The following PTPRM variants were observed in gnomAD, a reference collection of about 807,000 sequenced individuals.
PTPRM encodes the protein receptor-type tyrosine-protein phosphatase mu.
PTPRM carries 47 observed loss-of-function variants against 186.7 expected under a neutral mutation model. That is an observed-to-expected ratio of 0.25 (90% CI 0.20 to 0.32). The LOEUF is 0.32. Among genes scored for constraint, PTPRM ranks in the 10% least tolerant of loss-of-function variants. The pLI is 1.00. For synonymous variants in PTPRM, 668 were observed against 674.9 expected (o/e 0.99, Z 0.16); for missense variants, 1,494 against 1,865.0 (o/e 0.80, Z 3.66).
intron 19 of PTPRM, among the ~76,000 whole-genome samples, chr18:8,272,999 G>A (rs888997192): frequency 1.3e-5 from 2 of 152,006 alleles, no homozygotes; most frequent in African/African-American, 2.4e-5. Context: ...AGTTTATTTT[G>A]TCTAATTTCA....
intron 1 of PTPRM, among the ~76,000 whole-genome samples, chr18:7,571,063 C>T (rs146377105): frequency 0.01 from 1,537 of 151,900 alleles, 8 homozygotes; most frequent in Middle Eastern, 0.017. Context: ...CTCAGCCTCC[C>T]GAGTAGCTGG....
At chr18:8,101,764 G>C (rs1217141184) in intron 11 of PTPRM, among the ~76,000 whole-genome samples, 1 of 152,168 alleles carries the variant, frequency 6.6e-6, no homozygotes, top group Non-Finnish European at 1.5e-5. Flanking sequence ...CACGTGAGCT[G>C]TCAGGACCTT....
intron 19 of PTPRM, among the ~76,000 whole-genome samples, chr18:8,278,356 G>C (rs1347776379): frequency 2.6e-5 from 4 of 152,188 alleles, no homozygotes; most frequent in Non-Finnish European, 5.9e-5. Flanking sequence ...GGATAAAAAG[G>C]TAGAGCTGAA....
intron 1 of PTPRM, among the ~76,000 whole-genome samples, chr18:7,643,586 C>T (rs543089046): frequency 7.9e-5 from 12 of 152,238 alleles, no homozygotes; most frequent in African/African-American, 1.4e-4. Flanking sequence ...GTGATCTGCC[C>T]GCTTTGGCCT....
intron 1 of PTPRM, among the ~76,000 whole-genome samples, chr18:7,705,301 A>ATCTGTCTG (rs1568040969): frequency 4.6e-5 from 7 of 151,314 alleles, no homozygotes; most frequent in African/African-American, 1.7e-4. Context: ...CTATCTATCT[A>ATCTGTCTG]TCTATCTATC....
chr18:7,799,916 G>A (rs961712528), intron 2 of PTPRM, among the ~76,000 whole-genome samples: 2 of 152,058 alleles, frequency 1.3e-5, no homozygotes, highest in Non-Finnish European at 2.9e-5. Flanking sequence ...ATTAAATAAT[G>A]GTATTTACTA....
intron 14 of PTPRM, among the ~76,000 whole-genome samples, chr18:8,211,577 C>A (rs12967165): frequency 6.6e-6 from 1 of 150,932 alleles, no homozygotes; most frequent in Non-Finnish European, 1.5e-5. Flanking sequence ...CTATTTTTTT[C>A]TATCTTTAGT....
intron 2 of PTPRM, among the ~76,000 whole-genome samples, chr18:7,854,350 A>G (rs1340776939): frequency 6.6e-6 from 1 of 152,190 alleles, no homozygotes; most frequent in Non-Finnish European, 1.5e-5. Context: ...ATGAGGATCT[A>G]GTATATTACC....
chr18:7,761,810 A>G (rs1357496981), intron 1 of PTPRM, among the ~76,000 whole-genome samples: 1 of 152,104 alleles, frequency 6.6e-6, no homozygotes, highest in Non-Finnish European at 1.5e-5. Context: ...AGGAGGAGTG[A>G]TGGTGACAGG....
chr18:8,194,399 T>C (rs1322830455), intron 14 of PTPRM, among the ~76,000 whole-genome samples: 3 of 152,182 alleles, frequency 2.0e-5, no homozygotes, highest in Admixed American at 6.5e-5. Flanking sequence ...AGAGCTGATA[T>C]GTGGAAAACA....
At position 8,212,648 on chromosome 18, in the gene PTPRM, AT is replaced by A. The variant is rs536451015; in HGVS notation, c.2301-31403del. On this transcript the variant is annotated intron_variant, in intron 14 of 32. Transcript: ENST00000580170. ...AGCGAGACCCTGTCTCTGCAAAAAA[AT>A]TTTTTTAATTAGCTGAGTGTGATGG... is the stretch of plus-strand genomic sequence containing the variant. Among the ~76,000 whole-genome samples, 511 of 152,110 alleles carry A rather than the reference AT, an allele frequency of 3.4e-3. 1 individual carries two copies. The highest frequency in any genetic ancestry group is 0.012 in the African/African-American group (487 of 41,490).
At chr18:8,219,199 G>A (rs2094124915) in intron 14 of PTPRM, among the ~76,000 whole-genome samples, 1 of 152,242 alleles carries the variant, frequency 6.6e-6, no homozygotes. Context: ...CAAGCCCGGT[G>A]GCTTACGCCT....
intron 30 of PTPRM, 135 bp downstream of exon 30, chr18:8,384,821 A>G (rs886591148): frequency 4.2e-5 from 46 of 1,094,930 alleles, no homozygotes; most frequent in Non-Finnish European, 5.1e-5. Context: ...AAAAACATAG[A>G]TTCCTGACCT....
chr18:8,006,005 C>G (rs974648793), intron 7 of PTPRM, among the ~76,000 whole-genome samples: 1 of 121,706 alleles, frequency 8.2e-6, no homozygotes, highest in Non-Finnish European at 1.7e-5. Flanking sequence ...ATTACAGTGA[C>G]GTAGCAGAGC....
chr18:7,655,571 G>A (rs1420911961), intron 1 of PTPRM, among the ~76,000 whole-genome samples: 1 of 152,146 alleles, frequency 6.6e-6, no homozygotes, highest in African/African-American at 2.4e-5. Context: ...AAAAACATAT[G>A]TTCACATAAA....
chr18:8,265,984 T>A (rs1313050181), intron 19 of PTPRM, among the ~76,000 whole-genome samples: 1 of 152,074 alleles, frequency 6.6e-6, no homozygotes, highest in Non-Finnish European at 1.5e-5. Flanking sequence ...TCACGTATGA[T>A]CCACAGGCAC....
At chr18:8,298,834 C>T (rs1285211773) in intron 20 of PTPRM, among the ~76,000 whole-genome samples, 1 of 152,116 alleles carries the variant, frequency 6.6e-6, no homozygotes, top group Non-Finnish European at 1.5e-5. Context: ...TTGGTTTTCA[C>T]CAGGTGTGGT....
At chr18:7,680,646 G>C (rs552542884) in intron 1 of PTPRM, among the ~76,000 whole-genome samples, 1 of 152,194 alleles carries the variant, frequency 6.6e-6, no homozygotes, top group South Asian at 2.1e-4. Context: ...ATGTTTCTTT[G>C]CTGCTTTACC....
intron 1 of PTPRM, among the ~76,000 whole-genome samples, chr18:7,737,564 T>A (rs552620401): frequency 6.6e-6 from 1 of 152,360 alleles, no homozygotes; most frequent in African/African-American, 2.4e-5. Flanking sequence ...TCAACCAGTG[T>A]GCATCTGGCT....
Sources: allele counts gnomAD v4.1 joint callset (sites outside exome capture counted in the v4.1 genomes callset), GRCh38; gene constraint gnomAD v4.1.1; transcripts MANE v1.5; gene names NCBI Gene and HGNC (gene_info 2026-07-23, HGNC 2026-07-21).